The following ETV6 variants were observed in gnomAD, a reference collection of about 807,000 sequenced individuals.
ETV6 encodes the protein ETS variant transcription factor 6, also known as transcription factor ETV6.
In ETV6, 16 loss-of-function variants were observed where a neutral mutation model predicts 51.1. The observed-to-expected ratio is 0.31, with a 90% confidence interval of 0.21 to 0.48. The LOEUF is 0.48. Ranked by LOEUF, ETV6 falls within the 20% of genes least tolerant of loss-of-function variation. ETV6 has a pLI of 0.99. For synonymous variants in ETV6, 240 were observed against 224.1 expected (o/e 1.07, Z -0.64); for missense variants, 458 against 594.8 (o/e 0.77, Z 2.39).
chr12:11,740,969 TCTAGTGACATGA>T (rs1338525773), intron 1 of ETV6, among the ~76,000 whole-genome samples: 1 of 152,180 alleles, frequency 6.6e-6, no homozygotes, highest in African/African-American at 2.4e-5. Context: ...TTGTGCTAGT[TCTAGTGACATGA>T]CTCGTGGGTG....
At chr12:11,685,351 T>C (rs1180439859) in intron 1 of ETV6, among the ~76,000 whole-genome samples, 1 of 146,864 alleles carries the variant, frequency 6.8e-6, no homozygotes, top group Admixed American at 6.8e-5. Context: ...AAAAAAGAAA[T>C]GGAAAATTCA....
intron 1 of ETV6, among the ~76,000 whole-genome samples, chr12:11,705,910 G>C (rs1865065230): frequency 6.6e-6 from 1 of 152,238 alleles, no homozygotes; most frequent in African/African-American, 2.4e-5. Flanking sequence ...ACAGAGAAAT[G>C]AAAGCAGGAG....
chr12:11,740,628 A>C (rs113379674), intron 1 of ETV6, among the ~76,000 whole-genome samples: 2 of 152,244 alleles, frequency 1.3e-5, no homozygotes, highest in East Asian at 3.8e-4. Context: ...AATACTACTA[A>C]TAATATCAAG....
chr12:11,797,299 AC>A (rs1699390322), intron 2 of ETV6, among the ~76,000 whole-genome samples: 1 of 152,118 alleles, frequency 6.6e-6, no homozygotes, highest in East Asian at 1.9e-4. Flanking sequence ...CCTCGGCTGT[AC>A]CCACAGAGTC....
At chr12:11,660,364 G>A (rs2120639433) in intron 1 of ETV6, among the ~76,000 whole-genome samples, 1 of 152,050 alleles carries the variant, frequency 6.6e-6, no homozygotes, top group Non-Finnish European at 1.5e-5. Context: ...CAGCACTTTG[G>A]GAGGCCGAGG....
rs1946453889 is a variant in ETV6 at position 11,845,888 on chromosome 12, AG to A, written c.328+6586del. ...GCACCTGTATTCCCAGCTACTCAGG[AG>A]GCTGAGGCAGGAGAATCGCTTGAAC... On this transcript the variant is annotated intron_variant, in intron 3 of 7. Transcript: ENST00000396373. Among the ~76,000 whole-genome samples, 10 of 151,928 alleles carry A rather than the reference AG, an allele frequency of 6.6e-5. No individual in the cohort carries two copies. The South Asian group carries it at 2.1e-3, about 32-fold the overall frequency.
intron 2 of ETV6, chr12:11,768,890 C>T (rs912416662): frequency 8.5e-6 from 4 of 470,310 alleles, no homozygotes; most frequent in African/African-American, 5.9e-5. Context: ...GCCTCTTTCT[C>T]CTTGTGAAAT....
At chr12:11,702,885 C>G (rs897744865) in intron 1 of ETV6, among the ~76,000 whole-genome samples, 5 of 152,186 alleles carry the variant, frequency 3.3e-5, no homozygotes, top group Non-Finnish European at 7.3e-5. Context: ...CCGGGTAGAT[C>G]GCTTGAGCCC....
intron 1 of ETV6, among the ~76,000 whole-genome samples, chr12:11,679,478 T>G (rs1169830955): frequency 6.6e-6 from 1 of 152,254 alleles, no homozygotes; most frequent in Non-Finnish European, 1.5e-5. Context: ...TTCTCACAGA[T>G]TCTCTTTTCA....
intron 2 of ETV6, among the ~76,000 whole-genome samples, chr12:11,808,518 T>G (rs1351480736): frequency 6.6e-6 from 1 of 151,844 alleles, no homozygotes; most frequent in African/African-American, 2.4e-5. Flanking sequence ...ACTATTTAGA[T>G]AGCATTTACA....
chr12:11,675,402 C>G (rs1864404555), intron 1 of ETV6, among the ~76,000 whole-genome samples: 1 of 152,206 alleles, frequency 6.6e-6, no homozygotes, highest in Non-Finnish European at 1.5e-5. Context: ...CATTTCAATC[C>G]TTTTGGAAAA....
chr12:11,687,616 A>G (rs1375336952), intron 1 of ETV6, among the ~76,000 whole-genome samples: 1 of 152,212 alleles, frequency 6.6e-6, no homozygotes, highest in Non-Finnish European at 1.5e-5. Context: ...AGCCAAAGTA[A>G]TGCTTAATAA....
At chr12:11,655,304 G>T (rs1863980585) in intron 1 of ETV6, among the ~76,000 whole-genome samples, 1 of 152,102 alleles carries the variant, frequency 6.6e-6, no homozygotes, top group African/African-American at 2.4e-5. Flanking sequence ...TTCCATATTT[G>T]TTGTTAGATG....
At chr12:11,670,097 T>C (rs1272543589) in intron 1 of ETV6, among the ~76,000 whole-genome samples, 1 of 152,230 alleles carries the variant, frequency 6.6e-6, no homozygotes, top group African/African-American at 2.4e-5. Flanking sequence ...TCTTTAAAAT[T>C]TTCTTGTTCT....
Position 11,698,753 on chromosome 12 carries a change from G to C in ETV6, c.33+48593G>C, listed in dbSNP as rs186675256. On this transcript the variant is annotated intron_variant, in intron 1 of 7. Coordinates refer to ENST00000396373, the MANE Select transcript of ETV6 (RefSeq NM_001987.5). ...GAATGAAATGCCTGAGATTGAGCTG[G>C]TGGTTGCATTGAACAATATAAATTG... Among the ~76,000 whole-genome samples the C allele has an allele frequency of 4.6e-5, 7 of 152,334 alleles. No individual in the cohort carries two copies. The East Asian group carries it at 1.2e-3, about 25-fold the overall frequency.
At chr12:11,743,372 C>T (rs969032046) in intron 1 of ETV6, among the ~76,000 whole-genome samples, 1 of 152,120 alleles carries the variant, frequency 6.6e-6, no homozygotes, top group African/African-American at 2.4e-5. Flanking sequence ...CCTGAAGTGA[C>T]CCAGGAATTA....
intron 1 of ETV6, among the ~76,000 whole-genome samples, chr12:11,723,770 C>T (rs1157396998): frequency 6.6e-6 from 1 of 152,174 alleles, no homozygotes; most frequent in Admixed American, 6.6e-5. Flanking sequence ...CAGGGGCCCA[C>T]ATGTCAAGAC....
chr12:11,730,433 A>G (rs993816875), intron 1 of ETV6, among the ~76,000 whole-genome samples: 2 of 152,250 alleles, frequency 1.3e-5, no homozygotes, highest in African/African-American at 2.4e-5. Context: ...AAGGAAGCCA[A>G]TTGTAGTGTG....
intron 2 of ETV6, among the ~76,000 whole-genome samples, chr12:11,768,586 A>G (rs1418458129): frequency 1.3e-5 from 2 of 152,214 alleles, no homozygotes; most frequent in African/African-American, 2.4e-5. Flanking sequence ...CTTAGAACCG[A>G]AGTCAAACCC....
Sources: allele counts gnomAD v4.1 joint callset (sites outside exome capture counted in the v4.1 genomes callset), GRCh38; gene constraint gnomAD v4.1.1; transcripts MANE v1.5; gene names NCBI Gene and HGNC (gene_info 2026-07-23, HGNC 2026-07-21).